Variants in PTPN23 observed in about 807,000 individuals in gnomAD.
PTPN23 encodes the protein protein tyrosine phosphatase non-receptor type 23, also known as tyrosine-protein phosphatase non-receptor type 23.
Under a neutral mutation model 156.3 loss-of-function variants are expected in PTPN23, and 72 were observed. The ratio of observed to expected loss-of-function variants is 0.46; its 90% confidence interval spans 0.38 to 0.56. The LOEUF (loss-of-function observed/expected upper bound fraction) is 0.56, where lower values mean the gene tolerates loss of function less well. PTPN23 is among the 20% of genes least tolerant of loss of function. The pLI, the probability that PTPN23 is intolerant of heterozygous loss-of-function variation, is 0.00. For missense variants in PTPN23, 1,974 were observed against 2,171.5 expected (o/e 0.91, Z 1.81); for synonymous variants, 957 against 899.6 (o/e 1.06, Z -1.14).
rs768791103 is a variant in PTPN23 at position 47,407,823 on chromosome 3, G to C, written c.1118+12G>C. ...TCGTCACTGTACAGGTGGGTGGAGGGTGGCACAGAGGGAGGTGGGGTGTCT... is the reference window on the plus strand; with the variant it reads ...TCGTCACTGTACAGGTGGGTGGAGGCTGGCACAGAGGGAGGTGGGGTGTCT... On this transcript the variant is annotated intron_variant, in intron 13 of 24. Coordinates refer to ENST00000265562, the MANE Select transcript of PTPN23 (RefSeq NM_015466.4). The surrounding 1 kb of genome is among the most constrained non-coding windows in gnomAD (Gnocchi z 4.0). The C allele has an allele frequency of 6.2e-7, 1 of 1,614,122 alleles. No homozygotes were observed. Among genetic ancestry groups the C allele is most frequent in the Non-Finnish European group, 8.5e-7 (1 of 1,179,940 alleles).
At chr3:47,388,517 A>G (rs546504607) in intron 1 of PTPN23, among the ~76,000 whole-genome samples, 2 of 152,338 alleles carry the variant, frequency 1.3e-5, no homozygotes, top group African/African-American at 2.4e-5. Flanking sequence ...AAACAGGTAT[A>G]GTAATCACAT....
chr3:47,390,747 A>G (rs1704756605), intron 1 of PTPN23, among the ~76,000 whole-genome samples: 1 of 152,168 alleles, frequency 6.6e-6, no homozygotes, highest in Non-Finnish European at 1.5e-5. Flanking sequence ...GCTGCAAATA[A>G]TAATAATAAC....
chr3:47,412,116 A>C lies in PTPN23; in HGVS notation c.4096A>C (p.Asn1366His). The change falls in exon 22 of 25, where the codon AAC (asparagine) becomes CAC (histidine). Residue 1366 changes from asparagine (N) to histidine (H), a missense_variant. Coordinates refer to ENST00000265562, the MANE Select transcript of PTPN23 (RefSeq NM_015466.4). Reference protein sequence around the residue: ...PELGLPDSPSNLLRFIQEVHA... With the variant: ...PELGLPDSPSHLLRFIQEVHA... ...CAGAGGCCTGCCCGACAGCCCCAGC[A>C]ACTTGCTGCGCTTCATCCAGGAGGT... The C allele has an allele frequency of 6.2e-7, 1 of 1,613,064 alleles. No individual in the cohort carries two copies. Among genetic ancestry groups the C allele is most frequent in the Non-Finnish European group, 8.5e-7 (1 of 1,180,006 alleles).
Position 47,406,090 on chromosome 3 carries a change from G to T in PTPN23, c.546+44G>T. On this transcript the variant is annotated intron_variant, in intron 6 of 24. Coordinates refer to ENST00000265562, the MANE Select transcript of PTPN23 (RefSeq NM_015466.4). The surrounding 1 kb of genome is among the most constrained non-coding windows in gnomAD (Gnocchi z 5.8). ...TGGAGTGGAGTTGAATCCAGGGAAGGGGATGGCCAGGGAGGGGGCAGTTGG... is the reference window on the plus strand; with the variant it reads ...TGGAGTGGAGTTGAATCCAGGGAAGTGGATGGCCAGGGAGGGGGCAGTTGG... 6.3e-7 allele frequency: 1 copy of T among 1,598,764 alleles called. No individual in the cohort carries two copies.
chr3:47,411,070 C>G lies in PTPN23; in HGVS notation c.3272C>G (p.Ser1091Cys). The G allele has an allele frequency of 6.3e-7, 1 of 1,586,666 alleles. No homozygotes were observed. The highest frequency in any genetic ancestry group is 8.6e-7 in the Non-Finnish European group (1 of 1,167,628). ...SPHLVPSPAP[S>C]PGPGPVPPRP... is the part of the protein sequence containing the mutation. ...CACCTGGTGCCTTCACCTGCCCCAT[C>G]TCCAGGGCCTGGTCCGGTACCCCCT... The change falls in exon 20 of 25, where the codon TCT (serine) becomes TGT (cysteine). Residue 1091 changes from serine to cysteine, a missense_variant. This residue lies in a region of PTPN23 where 731 missense variants were observed against 669.1 expected (regional missense o/e 1.09). Transcript: ENST00000265562. This position sits in a 1 kb window ranked among gnomAD's most constrained non-coding sequence, Gnocchi z 6.3.
chr3:47,397,730 C>T (rs1034647492), intron 2 of PTPN23, among the ~76,000 whole-genome samples: 6 of 152,082 alleles, frequency 3.9e-5, no homozygotes, highest in African/African-American at 9.7e-5. Context: ...AGTGCAATGG[C>T]GCGATCTCAG....
Position 47,410,766 on chromosome 3 carries a change from G to C in PTPN23, c.2968G>C (p.Gly990Arg), listed in dbSNP as rs529584913. ...HPHLFPPQAP[G>R]LLPPQSPYPY... ...ACATCTCTTCCCACCCCAGGCCCCAGGACTCCTACCCCCACAATCCCCCTA... is the reference window on the plus strand; with the variant it reads ...ACATCTCTTCCCACCCCAGGCCCCACGACTCCTACCCCCACAATCCCCCTA... Residue 990 changes from glycine (G) to arginine (R), a missense_variant, in exon 20 of 25, where the codon GGA becomes CGA. Transcript: ENST00000265562. 2.1e-5 allele frequency: 32 copies of C among 1,552,622 alleles called. No homozygotes were observed. Among genetic ancestry groups the C allele is most frequent in the Non-Finnish European group, 2.5e-5 (29 of 1,145,736 alleles).
At chr3:47,408,214 G>A (rs1348205765) in intron 14 of PTPN23, 131 bp from the exon 15 acceptor site, 2 of 1,282,904 alleles carry the variant, frequency 1.6e-6, no homozygotes, top group Non-Finnish European at 2.2e-6. Context: ...CTGGTAGTAG[G>A]GGTCCGAGGT....
rs762500118 is a variant in PTPN23 at position 47,410,155 on chromosome 3, A to C, written c.2357A>C (p.Tyr786Ser). ...AGCTCCACAGGCCCAGGACCCCACT[A>C]TCTCTCAGGCCCCTTGCCCCCTGGT... is the stretch of plus-strand genomic sequence containing the variant. ...FPSSTGPGPHYLSGPLPPGTY... is the reference protein window; with the variant it reads ...FPSSTGPGPHSLSGPLPPGTY... The change falls in exon 20 of 25, where the codon TAT becomes TCT. Residue 786 changes from tyrosine to serine, a missense_variant. This residue lies in a region of PTPN23 where 731 missense variants were observed against 669.1 expected (regional missense o/e 1.09). Transcript: ENST00000265562. The C allele has an allele frequency of 1.8e-5, 28 of 1,590,724 alleles. No individual in the cohort carries two copies. The highest frequency in any genetic ancestry group is 2.7e-5 in the African/African-American group (2 of 74,188).
intron 2 of PTPN23, among the ~76,000 whole-genome samples, chr3:47,401,553 A>G (rs1383794162): frequency 1.3e-5 from 2 of 152,222 alleles, no homozygotes; most frequent in Non-Finnish European, 2.9e-5. Flanking sequence ...GAGTATTGAA[A>G]AAAACTGTGT....
In PTPN23 at chr3:47,407,221, A is replaced by G. The variant is rs972585688; in HGVS notation, c.864+35A>G. The G allele has an allele frequency of 3.7e-6, 6 of 1,613,782 alleles. No homozygotes were observed. In the African/African-American group the frequency reaches 8.0e-5, roughly 22 times the overall value. ...AGGAAGGCCTGGCTGCCCTGAGGGT[A>G]TAGGAGCAAGCCCGGTAGGACTGAG... On this transcript the variant is annotated intron_variant, in intron 10 of 24. Coordinates refer to ENST00000265562, the MANE Select transcript of PTPN23 (RefSeq NM_015466.4). The surrounding 1 kb of genome is among the most constrained non-coding windows in gnomAD (Gnocchi z 4.0).
rs959876797 is a variant in PTPN23 at position 47,405,267 on chromosome 3, C to A, written c.364+186C>A. 5 of 622,986 alleles carry A rather than the reference C, an allele frequency of 8.0e-6. No individual in the cohort carries two copies. In the East Asian group the frequency reaches 1.1e-4, roughly 14 times the overall value. 38.6% of individuals were successfully genotyped at this position (622,986 alleles called of 1,614,324 possible). A position where few individuals can be genotyped will look rare whatever the true frequency, so the allele number is the denominator to read the frequency against. On this transcript the variant is annotated intron_variant, in intron 4 of 24. Coordinates refer to ENST00000265562, the MANE Select transcript of PTPN23 (RefSeq NM_015466.4). This position sits in a 1 kb window ranked among gnomAD's most constrained non-coding sequence, Gnocchi z 4.7. The stretch of plus-strand genomic sequence containing the variant: ...TTTTCTGGGCTGGGCCCGTGGGGAG[C>A]CTCTGCTGGGGCGAGGCTCTACTGG...
At chr3:47,404,576 C>T in intron 2 of PTPN23, 76 bp from the exon 3 acceptor site, 1 of 1,577,276 alleles carries the variant, frequency 6.3e-7, no homozygotes, top group Non-Finnish European at 8.7e-7. Context: ...ATTTTCCTGG[C>T]ATTTGTGAGT....
chr3:47,397,361 C>G (rs1420535517), intron 2 of PTPN23, among the ~76,000 whole-genome samples: 1 of 152,146 alleles, frequency 6.6e-6, no homozygotes, highest in Non-Finnish European at 1.5e-5. Flanking sequence ...AAACACAGCA[C>G]CTGTGAAGTG....
At position 47,405,806 on chromosome 3, in the gene PTPN23, G is replaced by T. The variant is rs1200008385; in HGVS notation, c.414+8G>T. On this transcript the variant is annotated splice_region_variant and intron_variant, in intron 5 of 24. Transcript: ENST00000265562. The surrounding 1 kb of genome is among the most constrained non-coding windows in gnomAD (Gnocchi z 4.7). ...AAGCGGGTGTCTGAGGAGGTGAGGA[G>T]AGGGGCAGTAGTGGAACATGTGGAC... 2 of 1,590,684 alleles carry T rather than the reference G, an allele frequency of 1.3e-6. No individual in the cohort carries two copies. The highest frequency in any genetic ancestry group is 1.7e-5 in the Admixed American group (1 of 57,308).
In PTPN23 at chr3:47,410,637, C is replaced by G. The variant is rs1216274996; in HGVS notation, c.2839C>G (p.Pro947Ala). Residue 947 changes from proline to alanine, a missense_variant, in exon 20 of 25, where the codon CCA becomes GCA. Physicochemically the swap from Pro to Ala is conservative, Grantham distance 27. Around this residue, in one of 4 missense-constraint regions of PTPN23, gnomAD observed 731 missense variants for 669.1 expected, o/e 1.09. Coordinates refer to ENST00000265562, the MANE Select transcript of PTPN23 (RefSeq NM_015466.4). ...CTCTTCTGGGATCCCCGCAGGTTTT[C>G]CAGCCCCAAGGATTGGGCCCCAGCC... ...HFSSGIPAGF[P>A]APRIGPQPQP... 1 of 1,612,082 alleles carries G rather than the reference C, an allele frequency of 6.2e-7. No individual in the cohort carries two copies. The highest frequency in any genetic ancestry group is 8.5e-7 in the Non-Finnish European group (1 of 1,179,478).
intron 1 of PTPN23, among the ~76,000 whole-genome samples, chr3:47,394,634 C>T (rs1340182404): frequency 6.6e-6 from 1 of 152,182 alleles, no homozygotes; most frequent in Non-Finnish European, 1.5e-5. Context: ...CCACCTCACC[C>T]GGCCAGGAAC....
At chr3:47,401,192 C>T (rs570084225) in intron 2 of PTPN23, among the ~76,000 whole-genome samples, 10 of 147,938 alleles carry the variant, frequency 6.8e-5, no homozygotes, top group South Asian at 6.5e-4. Context: ...TGAGCCACTG[C>T]GTCCGGCCTT....
chr3:47,411,436 T>C lies in PTPN23; in HGVS notation c.3638T>C (p.Ile1213Thr), dbSNP rs773714959. 6.2e-7 allele frequency: 1 copy of C among 1,613,118 alleles called. No individual in the cohort carries two copies. Among genetic ancestry groups the C allele is most frequent in the South Asian group, 1.1e-5 (1 of 91,082 alleles). The change falls in exon 20 of 25, where the codon ATT (isoleucine) becomes ACT (threonine). Residue 1213 changes from isoleucine to threonine, a missense_variant. Coordinates refer to ENST00000265562, the MANE Select transcript of PTPN23 (RefSeq NM_015466.4). The surrounding 1 kb of genome is among the most constrained non-coding windows in gnomAD (Gnocchi z 6.3). ...EHDARGRSIA[I>T]ARCYSLKNRH... ...GATGCCCGAGGCCGTTCCATCGCCA[T>C]TGCCCGCTGCTACTCACTGAAGAAC...
Sources: allele counts gnomAD v4.1 joint callset (sites outside exome capture counted in the v4.1 genomes callset), GRCh38; gene constraint gnomAD v4.1.1; regional missense constraint gnomAD v4.1.1; non-coding constraint Gnocchi (gnomAD v3.1); transcripts MANE v1.5; gene names NCBI Gene and HGNC (gene_info 2026-07-23, HGNC 2026-07-21).